TAOK1: variants seen among roughly 807,000 people sequenced by gnomAD.
The protein encoded by TAOK1 is TAO kinase 1.
TAOK1 carries 21 observed loss-of-function variants against 138.3 expected under a neutral mutation model. That is an observed-to-expected ratio of 0.15 (90% CI 0.11 to 0.22). The LOEUF (loss-of-function observed/expected upper bound fraction) is 0.22. TAOK1 is among the 10% of genes least tolerant of loss of function. TAOK1 has a pLI of 1.00. For synonymous variants in TAOK1, 361 were observed against 398.4 expected (o/e 0.91, Z 1.12); for missense variants, 651 against 1,227.7 (o/e 0.53, Z 7.02).
chr17:29,533,987 A>G, intron 18 of TAOK1, 131 bp from the exon 19 acceptor site: 2 of 954,724 alleles, frequency 2.1e-6, no homozygotes, highest in Non-Finnish European at 2.9e-6. Flanking sequence ...CCAAGATACA[A>G]GAGAGAAAAA....
intron 1 of TAOK1, among the ~76,000 whole-genome samples, chr17:29,417,684 GTATATCTC>G (rs1905302543): frequency 3.3e-5 from 5 of 152,080 alleles, no homozygotes; most frequent in African/African-American, 1.2e-4. Context: ...TGCCTTCCTT[GTATATCTC>G]CTTGGCCTGC....
In TAOK1 at chr17:29,543,133, G is replaced by A; in HGVS notation, c.*111G>A. ...GGGTACTACAGTGTGGAAGCTGAGT[G>A]CATATGGTATATTTTATTCATTTTT... On this transcript the variant is annotated 3_prime_UTR_variant, in exon 20 of 20. Transcript: ENST00000261716. 1.2e-6 allele frequency: 1 copy of A among 858,992 alleles called. No individual in the cohort carries two copies. Among genetic ancestry groups the A allele is most frequent in the Non-Finnish European group, 1.7e-6 (1 of 576,346 alleles). The allele number at this position is 858,992 out of a possible 1,614,324, so 53.2% of individuals were successfully genotyped here.
In TAOK1 at chr17:29,542,919, C is replaced by T; in HGVS notation, c.2903C>T (p.Ala968Val). ...ATGGGAGTCCGCAATAGCCCCCAGG[C>T]TCTGAGGCGGACAGCTTCTGGGGGA... The part of the protein sequence containing the change: ...SSMGVRNSPQ[A>V]LRRTASGGRT... Residue 968 changes from alanine to valine, a missense_variant, in exon 20 of 20, where the codon GCT becomes GTT. By Grantham distance (64) the Ala-to-Val change is moderately conservative. Transcript: ENST00000261716. The T allele has an allele frequency of 6.2e-7, 1 of 1,613,792 alleles. No individual in the cohort carries two copies. Among genetic ancestry groups the T allele is most frequent in the Non-Finnish European group, 8.5e-7 (1 of 1,179,936 alleles).
At chr17:29,456,767 T>G (rs1279040087) in intron 2 of TAOK1, among the ~76,000 whole-genome samples, 1 of 150,586 alleles carries the variant, frequency 6.6e-6, no homozygotes, top group Non-Finnish European at 1.5e-5. Flanking sequence ...GGAGTCTCGC[T>G]CTGTCGCCTA....
At chr17:29,411,095 T>G (rs867626702) in intron 1 of TAOK1, among the ~76,000 whole-genome samples, 1 of 138,480 alleles carries the variant, frequency 7.2e-6, no homozygotes, top group Non-Finnish European at 1.6e-5. Context: ...ACTGTTTTTT[T>G]TTTTTTTTTT....
intron 1 of TAOK1, among the ~76,000 whole-genome samples, chr17:29,402,429 AGT>A (rs1904876071): frequency 6.6e-6 from 1 of 152,000 alleles, no homozygotes; most frequent in Non-Finnish European, 1.5e-5. Context: ...CAGCCTACCA[AGT>A]AGCTGAGACT....
rs1313543187 is a variant in TAOK1 at position 29,542,917 on chromosome 17, G to C, written c.2901G>C (p.Gln967His). 1 of 1,613,800 alleles carries C rather than the reference G, an allele frequency of 6.2e-7. No individual in the cohort carries two copies. Among genetic ancestry groups the C allele is most frequent in the Non-Finnish European group, 8.5e-7 (1 of 1,179,926 alleles). ...GSSMGVRNSPQALRRTASGGR... is the reference protein window; with the variant it reads ...GSSMGVRNSPHALRRTASGGR... ...GTATGGGAGTCCGCAATAGCCCCCA[G>C]GCTCTGAGGCGGACAGCTTCTGGGG... Residue 967 changes from glutamine to histidine, a missense_variant, in exon 20 of 20, where the codon CAG (glutamine) becomes CAC (histidine). This residue lies in a region of TAOK1 where 108 missense variants were observed against 120.3 expected (regional missense o/e 0.90). Coordinates refer to ENST00000261716, the MANE Select transcript of TAOK1 (RefSeq NM_020791.4).
chr17:29,517,737 A>C, intron 16 of TAOK1, 81 bp downstream of exon 16: 1 of 1,368,910 alleles, frequency 7.3e-7, no homozygotes, highest in Non-Finnish European at 9.9e-7. Flanking sequence ...TTCTAGTCTC[A>C]GGGACTTTGC....
At chr17:29,453,728 C>T (rs2153024432) in intron 2 of TAOK1, among the ~76,000 whole-genome samples, 1 of 152,002 alleles carries the variant, frequency 6.6e-6, no homozygotes, top group East Asian at 1.9e-4. Context: ...AGGTGCATGC[C>T]ACCATGTCTA....
At chr17:29,429,345 G>C (rs1243218423) in intron 1 of TAOK1, among the ~76,000 whole-genome samples, 2 of 151,484 alleles carry the variant, frequency 1.3e-5, no homozygotes, top group Non-Finnish European at 1.5e-5. Context: ...CCCACACTGG[G>C]GGACACTACA....
intron 18 of TAOK1, 45 bp from the exon 19 acceptor site, chr17:29,534,073 C>T (rs2032180274): frequency 1.3e-6 from 2 of 1,536,944 alleles, no homozygotes; most frequent in African/African-American, 1.4e-5. Flanking sequence ...TGATAGCTAA[C>T]ATTAGGATAT....
intron 1 of TAOK1, among the ~76,000 whole-genome samples, chr17:29,399,483 A>AT (rs1387761827): frequency 6.6e-6 from 1 of 151,340 alleles, no homozygotes; most frequent in Non-Finnish European, 1.5e-5. Flanking sequence ...GCCTGGCTAA[A>AT]TTTTTGTATT....
At chr17:29,397,044 C>T (rs1904629465) in intron 1 of TAOK1, among the ~76,000 whole-genome samples, 1 of 88,870 alleles carries the variant, frequency 1.1e-5, no homozygotes, top group Middle Eastern at 5.2e-3. Context: ...CCTGTAATCC[C>T]AGCACTTTGG....
chr17:29,487,606 A>T (rs2031200593), intron 8 of TAOK1, among the ~76,000 whole-genome samples: 1 of 152,222 alleles, frequency 6.6e-6, no homozygotes, highest in Admixed American at 6.5e-5. Context: ...TTAGTGTACC[A>T]GAAAGCAAGA....
intron 1 of TAOK1, among the ~76,000 whole-genome samples, chr17:29,422,644 G>A (rs148440471): frequency 2.7e-3 from 404 of 152,244 alleles, no homozygotes; most frequent in Middle Eastern, 0.01. Context: ...TGTTGATAGC[G>A]TCTGTAGTGG....
chr17:29,429,618 T>C (rs866730319), intron 1 of TAOK1, among the ~76,000 whole-genome samples: 2 of 152,184 alleles, frequency 1.3e-5, no homozygotes, highest in Admixed American at 6.6e-5. Context: ...GGTACATTTG[T>C]CAATGCTAAC....
chr17:29,488,212 A>G (rs1262070517), intron 8 of TAOK1, among the ~76,000 whole-genome samples: 2 of 152,196 alleles, frequency 1.3e-5, no homozygotes, highest in Non-Finnish European at 2.9e-5. Context: ...TATACTTTGA[A>G]TAATCTCTGG....
intron 18 of TAOK1, among the ~76,000 whole-genome samples, chr17:29,530,939 G>A (rs910519164): frequency 1.4e-5 from 2 of 146,544 alleles, no homozygotes; most frequent in African/African-American, 5.1e-5. Flanking sequence ...AATAAAAATG[G>A]TTGTGTTTGA....
chr17:29,490,440 G>A (rs1035757043), intron 9 of TAOK1, among the ~76,000 whole-genome samples: 36 of 152,174 alleles, frequency 2.4e-4, no homozygotes, highest in Admixed American at 2.2e-3. Context: ...GGGATATTTA[G>A]CATATTTAAT....
Sources: gnomAD v4.1 joint callset for allele counts (sites outside exome capture counted in the v4.1 genomes callset) on GRCh38, gnomAD v4.1.1 for gene constraint, gnomAD v4.1.1 regional missense constraint, MANE v1.5 for transcripts, NCBI Gene and HGNC (gene_info 2026-07-23, HGNC 2026-07-21) for gene names.